The following GRM5 variants were observed in gnomAD, a reference collection of about 807,000 sequenced individuals.
The protein encoded by GRM5 is metabotropic glutamate receptor 5.
GRM5 carries 19 observed loss-of-function variants against 83.1 expected under a neutral mutation model. The observed-to-expected ratio is 0.23, with a 90% confidence interval of 0.16 to 0.34. The LOEUF is 0.34. GRM5 is among the 10% of genes least tolerant of loss of function. GRM5 has a pLI of 1.00. For missense variants in GRM5, 1,160 were observed against 1,588.3 expected (o/e 0.73, Z 4.58); for synonymous variants, 675 against 633.6 (o/e 1.07, Z -0.98).
At chr11:88,884,719 T>C (rs1303027685) in intron 2 of GRM5, among the ~76,000 whole-genome samples, 1 of 152,180 alleles carries the variant, frequency 6.6e-6, no homozygotes, top group African/African-American at 2.4e-5. Flanking sequence ...CCCTATGCTA[T>C]TCTTGCGGTA....
At chr11:88,519,345 A>C (rs982637095) in intron 9 of GRM5, among the ~76,000 whole-genome samples, 1 of 152,068 alleles carries the variant, frequency 6.6e-6, no homozygotes, top group African/African-American at 2.4e-5. Flanking sequence ...TATGTACAGA[A>C]GCAGAAGGAA....
intron 3 of GRM5, among the ~76,000 whole-genome samples, chr11:88,803,524 C>A (rs1943440527): frequency 6.6e-6 from 1 of 152,210 alleles, no homozygotes; most frequent in South Asian, 2.1e-4. Context: ...ACACCTTATA[C>A]AAAAATTAAT....
intron 2 of GRM5, chr11:88,912,200 G>C: frequency 5.1e-6 from 1 of 197,640 alleles, no homozygotes; most frequent in East Asian, 1.7e-4. Context: ...TAGGTATTCC[G>C]CATCAAGATA....
chr11:88,810,518 A>G (rs1429890775), intron 3 of GRM5, among the ~76,000 whole-genome samples: 8 of 152,078 alleles, frequency 5.3e-5, no homozygotes, highest in Non-Finnish European at 1.2e-4. Context: ...GACAGGGATT[A>G]AATTAGGAAG....
intron 2 of GRM5, among the ~76,000 whole-genome samples, chr11:88,952,098 C>T (rs1180202689): frequency 4.8e-5 from 7 of 145,100 alleles, no homozygotes; most frequent in African/African-American, 1.5e-4. Context: ...AAGTCTCGCT[C>T]TCTTCCACCA....
At chr11:88,530,054 G>T (rs994144762) in intron 8 of GRM5, among the ~76,000 whole-genome samples, 2 of 151,976 alleles carry the variant, frequency 1.3e-5, no homozygotes, top group African/African-American at 4.8e-5. Context: ...TCAGCATACC[G>T]ATGGTTGCAA....
At chr11:88,673,701 G>A (rs141901036) in intron 3 of GRM5, among the ~76,000 whole-genome samples, 29 of 151,822 alleles carry the variant, frequency 1.9e-4, no homozygotes, top group African/African-American at 6.0e-4. Context: ...TGTACTGGCT[G>A]TTCATACTTG....
At position 88,751,093 on chromosome 11, in the gene GRM5, AAAC is replaced by A. The variant is rs1334408534; in HGVS notation, c.912-97693_912-97691del. Among the ~76,000 whole-genome samples, 278 of 143,172 alleles carry A rather than the reference AAAC, an allele frequency of 1.9e-3. 2 individuals are homozygous for A. Among genetic ancestry groups the A allele is most frequent in the African/African-American group, 6.7e-3 (257 of 38,246 alleles). The allele number at this position is 143,172 out of a possible 152,430, so 93.9% of individuals were successfully genotyped here. A position where few individuals can be genotyped will look rare whatever the true frequency, so the allele number is the denominator to read the frequency against. ...AAGCCAAAAAAAAAAAAAAAAAAAA[AAAC>A]AAAGAACAAAATCAGAGTGGAAATA... On this transcript the variant is annotated intron_variant, in intron 3 of 9. Transcript: ENST00000305447.
At chr11:89,027,264 T>G (rs540498358) in intron 2 of GRM5, among the ~76,000 whole-genome samples, 1 of 152,068 alleles carries the variant, frequency 6.6e-6, no homozygotes, top group South Asian at 2.1e-4. Flanking sequence ...TCCAACAAAT[T>G]TTTGTATTTT....
At chr11:88,621,097 T>C (rs1938621493) in intron 4 of GRM5, among the ~76,000 whole-genome samples, 1 of 152,186 alleles carries the variant, frequency 6.6e-6, no homozygotes, top group South Asian at 2.1e-4. Context: ...TTCCATATGG[T>C]GTGTAAATGA....
At chr11:88,844,625 T>C (rs577647768) in intron 3 of GRM5, among the ~76,000 whole-genome samples, 4 of 152,322 alleles carry the variant, frequency 2.6e-5, no homozygotes, top group Admixed American at 2.0e-4. Flanking sequence ...ATCCCTCAGA[T>C]GGATATGGGC....
At chr11:88,611,581 T>A (rs1319049661) in intron 4 of GRM5, among the ~76,000 whole-genome samples, 1 of 152,148 alleles carries the variant, frequency 6.6e-6, no homozygotes, top group African/African-American at 2.4e-5. Flanking sequence ...CATTTCTAAT[T>A]GTGTTTATTT....
chr11:88,593,762 TTCTCTCTC>T (rs113152007), intron 6 of GRM5, among the ~76,000 whole-genome samples: 2 of 89,984 alleles, frequency 2.2e-5, no homozygotes, highest in African/African-American at 5.7e-5. Flanking sequence ...CCCTCCCTCC[TTCTCTCTC>T]TCTCTCTCTC....
chr11:88,851,623 G>A (rs1236387023), intron 2 of GRM5, among the ~76,000 whole-genome samples: 1 of 152,196 alleles, frequency 6.6e-6, no homozygotes, highest in African/African-American at 2.4e-5. Flanking sequence ...CAGGATCTTA[G>A]TTTGAACACA....
intron 3 of GRM5, among the ~76,000 whole-genome samples, chr11:88,692,060 A>T (rs1940793797): frequency 6.6e-6 from 1 of 152,174 alleles, no homozygotes; most frequent in Non-Finnish European, 1.5e-5. Context: ...TGGAAGCTGC[A>T]CACCATTTTC....
At chr11:88,894,014 C>T (rs775284564) in intron 2 of GRM5, among the ~76,000 whole-genome samples, 4 of 151,978 alleles carry the variant, frequency 2.6e-5, no homozygotes, top group Non-Finnish European at 4.4e-5. Flanking sequence ...CAGACATAGA[C>T]AAGCAAGCTG....
At chr11:88,872,249 A>T (rs1944781868) in intron 2 of GRM5, among the ~76,000 whole-genome samples, 1 of 151,604 alleles carries the variant, frequency 6.6e-6, no homozygotes, top group Non-Finnish European at 1.5e-5. Context: ...AGGAAGAAGC[A>T]TATTAAGATG....
At chr11:88,840,675 G>T (rs1837275886) in intron 3 of GRM5, among the ~76,000 whole-genome samples, 1 of 152,130 alleles carries the variant, frequency 6.6e-6, no homozygotes, top group Admixed American at 6.5e-5. Flanking sequence ...TCATGATGTT[G>T]TCTCTATTTG....
chr11:88,749,903 C>T (rs1313511366), intron 3 of GRM5, among the ~76,000 whole-genome samples: 3 of 151,980 alleles, frequency 2.0e-5, no homozygotes, highest in African/African-American at 2.4e-5. Context: ...AATTCTTCAC[C>T]ATGAGGCCTG....
Sources: allele counts gnomAD v4.1 joint callset (sites outside exome capture counted in the v4.1 genomes callset), GRCh38; gene constraint gnomAD v4.1.1; transcripts MANE v1.5; gene names NCBI Gene and HGNC (gene_info 2026-07-23, HGNC 2026-07-21).